CSNK1A1: variants seen among roughly 807,000 people sequenced by gnomAD.
CSNK1A1 encodes casein kinase 1 alpha 1, also known as casein kinase I isoform alpha.
Under a neutral mutation model 46.1 loss-of-function variants are expected in CSNK1A1, and 7 were observed. The observed-to-expected ratio is 0.15, with a 90% CI of 0.09 to 0.29. The LOEUF is 0.29. Among genes scored for constraint, CSNK1A1 ranks in the 10% least tolerant of loss-of-function variants. The pLI is 1.00. For synonymous variants in CSNK1A1, 137 were observed against 141.5 expected, an observed-to-expected ratio of 0.97 and a Z score of 0.23; for missense variants, 96 against 417.1, an observed-to-expected ratio of 0.23 and a Z score of 6.71.
intron 2 of CSNK1A1, among the ~76,000 whole-genome samples, chr5:149,542,634 ATATATG>A (rs1561772461): frequency 1.9e-4 from 2 of 10,404 alleles, no homozygotes; most frequent in African/African-American, 6.8e-4. Flanking sequence ...ATATATATAT[ATATATG>A]TATATATATA....
chr5:149,499,916 T>C (rs1332697407), intron 9 of CSNK1A1, among the ~76,000 whole-genome samples: 1 of 151,642 alleles, frequency 6.6e-6, no homozygotes, highest in African/African-American at 2.4e-5. Context: ...TGCTATGTCA[T>C]TTATACTAAC....
chr5:149,535,645 CT>C (rs1398489750), intron 2 of CSNK1A1, among the ~76,000 whole-genome samples: 9 of 151,962 alleles, frequency 5.9e-5, no homozygotes, highest in Non-Finnish European at 2.9e-5. Context: ...TTGTTTGTTT[CT>C]TTGTTTTTGT....
chr5:149,514,218 G>A (rs1247255018), intron 4 of CSNK1A1, among the ~76,000 whole-genome samples: 2 of 152,044 alleles, frequency 1.3e-5, no homozygotes, highest in Non-Finnish European at 2.9e-5. Context: ...ACAAAATAAC[G>A]TTTAGTGTTA....
intron 4 of CSNK1A1, among the ~76,000 whole-genome samples, chr5:149,515,601 C>T (rs1186532070): frequency 6.6e-6 from 1 of 152,106 alleles, no homozygotes; most frequent in Non-Finnish European, 1.5e-5. Context: ...AGCCTATTCT[C>T]AGTAAACAAC....
At chr5:149,498,166 C>G (rs1457126709) in intron 9 of CSNK1A1, 1 of 985,338 alleles carries the variant, frequency 1.0e-6, no homozygotes. Flanking sequence ...GGGCCATCTC[C>G]CATGGGCTTT....
At chr5:149,536,431 T>C (rs574163522) in intron 2 of CSNK1A1, among the ~76,000 whole-genome samples, 4 of 152,354 alleles carry the variant, frequency 2.6e-5, no homozygotes, top group South Asian at 2.1e-4. Context: ...CTAAGTATTC[T>C]AGATAAGAAA....
At position 149,517,922 on chromosome 5, in the gene CSNK1A1, T is replaced by C; in HGVS notation, c.456+2368A>G. 1 of 1,269,132 alleles carries C rather than the reference T, an allele frequency of 7.9e-7. No homozygotes were observed. The highest frequency in any genetic ancestry group is 1.5e-5 in the African/African-American group (1 of 68,180). 78.6% of individuals were successfully genotyped at this position (1,269,132 alleles called of 1,614,324 possible). ...TGGCAGTGCATCAAACAGTATTGCT[T>C]ACATTGCAACAATGGCCGGCGCAGA... On this transcript the variant is annotated intron_variant, in intron 4 of 9. Transcript: ENST00000377843. This position sits in a 1 kb window ranked among gnomAD's most constrained non-coding sequence, Gnocchi z 4.4.
At chr5:149,541,813 T>TA (rs1345245685) in intron 2 of CSNK1A1, among the ~76,000 whole-genome samples, 1 of 150,922 alleles carries the variant, frequency 6.6e-6, no homozygotes, top group African/African-American at 2.4e-5. Flanking sequence ...TCATCTCTAC[T>TA]AAAAAAAATT....
In CSNK1A1 at chr5:149,511,636, C is replaced by T. The variant is rs543311081; in HGVS notation, c.675+158G>A. Reference sequence around the variant, plus strand: ...AGTTCTTACTAAAATGATCTGGTTTCATTTTCCCAGATAAAAGGTAAAAAG... The same window carrying T: ...AGTTCTTACTAAAATGATCTGGTTTTATTTTCCCAGATAAAAGGTAAAAAG... On this transcript the variant is annotated intron_variant, in intron 6 of 9. Transcript: ENST00000377843. Among the ~76,000 whole-genome samples, 4 of 152,236 alleles carry T rather than the reference C, an allele frequency of 2.6e-5. No homozygotes were observed. The South Asian group carries it at 6.2e-4, about 24-fold the overall frequency.
intron 6 of CSNK1A1, among the ~76,000 whole-genome samples, chr5:149,511,329 C>T (rs1580827733): frequency 6.6e-6 from 1 of 151,430 alleles, no homozygotes. Context: ...ATGCCCCCAC[C>T]CCCACCCAAA....
intron 9 of CSNK1A1, chr5:149,500,874 G>A: frequency 1.5e-6 from 1 of 678,224 alleles, no homozygotes; most frequent in Non-Finnish European, 1.8e-6. Context: ...TTTAAAGTTG[G>A]GAAAGATAAA....
intron 9 of CSNK1A1, chr5:149,500,930 T>TA: frequency 2.0e-6 from 2 of 978,324 alleles, no homozygotes; most frequent in Non-Finnish European, 1.2e-6. Context: ...TAAACTGCAT[T>TA]AAAAAACAGA....
At chr5:149,515,231 C>T (rs1761363436) in intron 4 of CSNK1A1, among the ~76,000 whole-genome samples, 1 of 152,178 alleles carries the variant, frequency 6.6e-6, no homozygotes, top group Non-Finnish European at 1.5e-5. Context: ...TCTAGGATTG[C>T]TTCCTTTGGT....
rs142065810 is a variant in CSNK1A1, at chr5:149,543,787, C to A, written c.230+6288G>T. ...TCTGCAGTCCTAGCTACTCAGGAGG[C>A]TAAGAGGCAGGAGGATCATTTGAGT... On this transcript the variant is annotated intron_variant, in intron 2 of 9. Transcript: ENST00000377843. Among the ~76,000 whole-genome samples, 543 of 152,146 alleles carry A rather than the reference C, an allele frequency of 3.6e-3. 2 individuals are homozygous for A. Among genetic ancestry groups the A allele is most frequent in the African/African-American group, 0.013 (524 of 41,522 alleles).
intron 9 of CSNK1A1, among the ~76,000 whole-genome samples, chr5:149,499,580 A>C (rs868706933): frequency 1.3e-4 from 19 of 151,874 alleles, no homozygotes; most frequent in Middle Eastern, 6.8e-3. Flanking sequence ...TGGGCAACAT[A>C]GTGAGACTTT....
rs769541295 is a variant in CSNK1A1 at position 149,496,519 on chromosome 5, T to G, written c.*334A>C. 8.8e-5 allele frequency: 29 copies of G among 330,916 alleles called. 1 individual carries two copies. Among genetic ancestry groups the G allele is most frequent in the Non-Finnish European group, 1.3e-4 (24 of 181,486 alleles). 20.5% of individuals were successfully genotyped at this position (330,916 alleles called of 1,614,324 possible). On this transcript the variant is annotated 3_prime_UTR_variant, in exon 10 of 10. Coordinates refer to ENST00000377843, the MANE Select transcript of CSNK1A1 (RefSeq NM_001892.6). ...AGCAGTATAGTTCAAAACAAAAGGT[T>G]TTAACAAAAAATTGGCATATGCACA... is the stretch of plus-strand genomic sequence containing the variant.
At position 149,517,692 on chromosome 5, in the gene CSNK1A1, T is replaced by C. The variant is rs900760888; in HGVS notation, c.456+2598A>G. 2.7e-6 allele frequency: 2 copies of C among 745,636 alleles called. No individual in the cohort carries two copies. The highest frequency in any genetic ancestry group is 3.5e-5 in the African/African-American group (2 of 56,378). The allele number at this position is 745,636 out of a possible 1,614,324, so 46.2% of individuals were successfully genotyped here. Reference sequence around the variant, plus strand: ...AAGAGGTGCTTGAGCAAGATCTACATTCTCCAGAATTAAAACAAAACAAAA... The same window carrying C: ...AAGAGGTGCTTGAGCAAGATCTACACTCTCCAGAATTAAAACAAAACAAAA... On this transcript the variant is annotated intron_variant, in intron 4 of 9. Transcript: ENST00000377843. This position sits in a 1 kb window ranked among gnomAD's most constrained non-coding sequence, Gnocchi z 4.4.
chr5:149,549,970 C>T, intron 2 of CSNK1A1, 105 bp downstream of exon 2: 1 of 1,390,798 alleles, frequency 7.2e-7, no homozygotes, highest in Non-Finnish European at 9.7e-7. Flanking sequence ...ACCCAGGTAA[C>T]TAAAACACCA....
chr5:149,515,340 C>T (rs1761366771), intron 4 of CSNK1A1, among the ~76,000 whole-genome samples: 1 of 152,200 alleles, frequency 6.6e-6, no homozygotes. Context: ...ATTTGTGACT[C>T]AATAACCAGA....
Sources: gnomAD v4.1 joint callset for allele counts (sites outside exome capture counted in the v4.1 genomes callset) on GRCh38, gnomAD v4.1.1 for gene constraint, Gnocchi (gnomAD v3.1) non-coding constraint, MANE v1.5 for transcripts, NCBI Gene and HGNC (gene_info 2026-07-23, HGNC 2026-07-21) for gene names.